ZNF285: variants seen among roughly 807,000 people sequenced by gnomAD.
The protein encoded by ZNF285 is zinc finger protein 285A.
In ZNF285, 4 loss-of-function variants were observed where a neutral mutation model predicts 6.2. The ratio of observed to expected loss-of-function variants is 0.65; its 90% CI spans 0.32 to 1.49. The LOEUF is 1.49. ZNF285 is among the 40% of genes most tolerant of loss of function. ZNF285 has a pLI of 0.07. For synonymous variants in ZNF285, 240 were observed against 245.8 expected (o/e 0.98, Z 0.22); for missense variants, 695 against 708.8 (o/e 0.98, Z 0.22).
intron 3 of ZNF285, 152 bp from the exon 4 acceptor site, chr19:44,388,254 G>A (rs113485144): frequency 8.3e-6 from 6 of 725,934 alleles, no homozygotes; most frequent in Non-Finnish European, 1.3e-5. Context: ...CCTGTGAGCT[G>A]CCAATTAGAA....
At position 44,397,378 on chromosome 19, in the gene ZNF285, G is replaced by A. The variant is rs376244683; in HGVS notation, c.-43-122C>T. 5.1e-5 allele frequency: 61 copies of A among 1,188,978 alleles called. No individual in the cohort carries two copies. In the South Asian group the frequency reaches 6.6e-4, roughly 13 times the overall value. The allele number at this position is 1,188,978 out of a possible 1,614,324, so 73.7% of individuals were successfully genotyped here. ...CTCTCACTGGATATCATCTCTTCTCGCTCTGAACAGACTGAACTCCCACCT... is the reference window on the plus strand; with the variant it reads ...CTCTCACTGGATATCATCTCTTCTCACTCTGAACAGACTGAACTCCCACCT... On this transcript the variant is annotated intron_variant, in intron 1 of 3. Coordinates refer to ENST00000614994, the MANE Select transcript of ZNF285 (RefSeq NM_152354.6).
chr19:44,396,082 C>A (rs1438363553), intron 2 of ZNF285, among the ~76,000 whole-genome samples: 6 of 152,022 alleles, frequency 3.9e-5, no homozygotes, highest in Admixed American at 1.3e-4. Flanking sequence ...GGTTTCCAGG[C>A]AGCAGGATAA....
chr19:44,387,782 T>G lies in ZNF285; in HGVS notation c.463A>C (p.Ile155Leu). The G allele has an allele frequency of 6.2e-7, 1 of 1,613,952 alleles. No individual in the cohort carries two copies. The highest frequency in any genetic ancestry group is 8.5e-7 in the Non-Finnish European group (1 of 1,179,846). The change falls in exon 4 of 4, where the codon ATA (isoleucine) becomes CTA (leucine). Residue 155 changes from isoleucine (I) to leucine (L), a missense_variant. By Grantham distance (5) the Ile-to-Leu change is conservative. Coordinates refer to ENST00000614994, the MANE Select transcript of ZNF285 (RefSeq NM_152354.6). Reference protein sequence around the residue: ...LTPESWRKANIMTEPQNSQGR... With the variant: ...LTPESWRKANLMTEPQNSQGR... The stretch of plus-strand genomic sequence containing the variant: ...TGAGAGTTCTGGGGCTCGGTCATTA[T>G]GTTGGCTTTCCTCCACGATTCTGGG...
chr19:44,389,119 G>T (rs1205793124), intron 3 of ZNF285, among the ~76,000 whole-genome samples: 17 of 151,252 alleles, frequency 1.1e-4, no homozygotes, highest in African/African-American at 4.2e-4. Context: ...CTTAAGTTCT[G>T]CCCTTTTAAG....
At chr19:44,391,601 A>G (rs1377273860) in intron 3 of ZNF285, among the ~76,000 whole-genome samples, 2 of 152,046 alleles carry the variant, frequency 1.3e-5, no homozygotes, top group East Asian at 1.9e-4. Context: ...AGATCTCATG[A>G]GATTTATTCA....
intron 2 of ZNF285, among the ~76,000 whole-genome samples, chr19:44,394,895 G>T (rs936679389): frequency 6.6e-6 from 1 of 152,162 alleles, no homozygotes; most frequent in Non-Finnish European, 1.5e-5. Flanking sequence ...TCTGTGGGAG[G>T]CAACAAAATT....
In ZNF285 at chr19:44,386,730, A is replaced by G; in HGVS notation, c.1515T>C (p.Asp505=). The G allele has an allele frequency of 6.2e-7, 1 of 1,614,118 alleles. No individual in the cohort carries two copies. The highest frequency in any genetic ancestry group is 1.7e-5 in the Admixed American group (1 of 60,020). The change falls in exon 4 of 4, where the codon GAT becomes GAC. Residue 505 remains aspartate, a synonymous_variant. Transcript: ENST00000614994. ...ATTTATATGGTTTCTCTCTGATGTG[A>G]TCTCTTTGATGTAAGTGAAAATATG... ...YSSYFHLHQR[D]HIREKPYKCD... is the part of the protein sequence containing the mutation.
chr19:44,387,143 C>T lies in ZNF285; in HGVS notation c.1102G>A (p.Gly368Arg). ...TCTTCACATTTATAGGGCTTTTTCC[C>T]TGTGTGTACTCCCTGATGAATACAA... Reference protein sequence around the residue: ...LLCIHQGVHTGKKPYKCEECG... With the variant: ...LLCIHQGVHTRKKPYKCEECG... The change falls in exon 4 of 4, where the codon GGG becomes AGG. Residue 368 changes from glycine (G) to arginine (R), a missense_variant. Physicochemically the swap from Gly to Arg is moderately radical, Grantham distance 125. Coordinates refer to ENST00000614994, the MANE Select transcript of ZNF285 (RefSeq NM_152354.6). 1 of 1,614,136 alleles carries T rather than the reference C, an allele frequency of 6.2e-7. No individual in the cohort carries two copies. The highest frequency in any genetic ancestry group is 8.5e-7 in the Non-Finnish European group (1 of 1,180,012).
Position 44,392,420 on chromosome 19 carries a change from T to C in ZNF285, c.62A>G (p.Glu21Gly). ...CTGGGCTTTATCCAATAGTGCCAGCTCTTCCTTGGTGAAGACAACAGCCAC... is the reference window on the plus strand; with the variant it reads ...CTGGGCTTTATCCAATAGTGCCAGCCCTTCCTTGGTGAAGACAACAGCCAC... ...KDVAVVFTKE[E>G]LALLDKAQIN... Residue 21 changes from glutamate to glycine, a missense_variant, in exon 3 of 4, where the codon GAG (glutamate) becomes GGG (glycine). Physicochemically the swap from Glu to Gly is moderately conservative, Grantham distance 98. Transcript: ENST00000614994. 1 of 1,613,874 alleles carries C rather than the reference T, an allele frequency of 6.2e-7. No individual in the cohort carries two copies. The highest frequency in any genetic ancestry group is 8.5e-7 in the Non-Finnish European group (1 of 1,179,846).
rs1388551448 is a variant in ZNF285, at chr19:44,392,734, A to T, written c.16-268T>A. 10 of 597,354 alleles carry T rather than the reference A, an allele frequency of 1.7e-5. 1 individual carries two copies. Among genetic ancestry groups the T allele is most frequent in the South Asian group, 1.6e-4 (10 of 62,164 alleles). The allele number at this position is 597,354 out of a possible 1,614,324, so 37.0% of individuals were successfully genotyped here. ...GAGAGCAAGCTCTGTTGAGGCTCTC[A>T]TAAGGACACTAATCCTATTGGATCA... On this transcript the variant is annotated intron_variant, in intron 2 of 3. Coordinates refer to ENST00000614994, the MANE Select transcript of ZNF285 (RefSeq NM_152354.6).
intron 3 of ZNF285, among the ~76,000 whole-genome samples, chr19:44,390,909 A>G (rs1971182797): frequency 6.6e-6 from 1 of 152,058 alleles, no homozygotes; most frequent in African/African-American, 2.4e-5. Context: ...TAATCCCAGC[A>G]CTTTGGGAGG....
rs572775397 is a variant in ZNF285, at chr19:44,388,015, C to G, written c.230G>C (p.Trp77Ser). ...SQEVLHCWQI[W>S]KQRIRDLTVS... Reference sequence around the variant, plus strand: ...AGTTAAATCCCGGATCCTTTGTTTCCAAATCTGCCAGCAATGAAGCACTTC... The same window carrying G: ...AGTTAAATCCCGGATCCTTTGTTTCGAAATCTGCCAGCAATGAAGCACTTC... The change falls in exon 4 of 4, where the codon TGG (tryptophan) becomes TCG (serine). Residue 77 changes from tryptophan to serine, a missense_variant. Coordinates refer to ENST00000614994, the MANE Select transcript of ZNF285 (RefSeq NM_152354.6). 100 of 1,614,120 alleles carry G rather than the reference C, an allele frequency of 6.2e-5. No homozygotes were observed. The South Asian group carries it at 8.0e-4, about 13-fold the overall frequency.
intron 1 of ZNF285, 97 bp from the exon 2 acceptor site, chr19:44,397,353 CT>C: frequency 7.1e-7 from 1 of 1,407,746 alleles, no homozygotes; most frequent in Non-Finnish European, 1.0e-6. Flanking sequence ...ACAATTTCTC[CT>C]CTCACTGGAT....
In ZNF285 at chr19:44,387,781, A is replaced by G. The variant is rs1014615239; in HGVS notation, c.464T>C (p.Ile155Thr). The change falls in exon 4 of 4, where the codon ATA becomes ACA. Residue 155 changes from isoleucine to threonine, a missense_variant. Transcript: ENST00000614994. ...CTGAGAGTTCTGGGGCTCGGTCATT[A>G]TGTTGGCTTTCCTCCACGATTCTGG... ...LTPESWRKAN[I>T]MTEPQNSQGR... is the part of the protein sequence containing the mutation. 3.7e-6 allele frequency: 6 copies of G among 1,613,748 alleles called. No individual in the cohort carries two copies. The African/African-American group carries it at 6.7e-5, about 18-fold the overall frequency.
Position 44,386,682 on chromosome 19 carries a change from G to A in ZNF285, c.1563C>T (p.Phe521=). The part of the protein sequence containing the change: ...PYKCDECGKG[F]SRNSDLNVHL... ...GAACATTAAGATCTGAATTCCGGCT[G>A]AAGCCTTTACCACACTCATCACATT... Residue 521 remains phenylalanine (F), a synonymous_variant, in exon 4 of 4, where the codon TTC becomes TTT. Coordinates refer to ENST00000614994, the MANE Select transcript of ZNF285 (RefSeq NM_152354.6). The A allele has an allele frequency of 1.9e-6, 3 of 1,614,140 alleles. No individual in the cohort carries two copies. Among genetic ancestry groups the A allele is most frequent in the Non-Finnish European group, 2.5e-6 (3 of 1,180,022 alleles).
chr19:44,396,320 G>C (rs1339852220), intron 2 of ZNF285, among the ~76,000 whole-genome samples: 1 of 152,032 alleles, frequency 6.6e-6, no homozygotes, highest in Non-Finnish European at 1.5e-5. Context: ...TGCTCTTTTT[G>C]TGTATTTTCA....
intron 1 of ZNF285, 148 bp from the exon 2 acceptor site, chr19:44,397,404 C>T (rs1375268182): frequency 3.5e-6 from 3 of 865,144 alleles, no homozygotes; most frequent in Non-Finnish European, 5.4e-6. Context: ...ACTCCCACCT[C>T]CTCAAGACTT....
In ZNF285 at chr19:44,384,266, T is replaced by C. The variant is rs1445713085; in HGVS notation, c.*2206A>G. Reference sequence around the variant, plus strand: ...GTTTACAGTCTTCTCATTGCAAAATTCTTAGAACATATTTCTTTCTGAAAC... The same window carrying C: ...GTTTACAGTCTTCTCATTGCAAAATCCTTAGAACATATTTCTTTCTGAAAC... On this transcript the variant is annotated 3_prime_UTR_variant, in exon 4 of 4. Coordinates refer to ENST00000614994, the MANE Select transcript of ZNF285 (RefSeq NM_152354.6). 2.6e-5 allele frequency: 4 copies of C among 152,220 alleles called. No homozygotes were observed. The highest frequency in any genetic ancestry group is 4.4e-5 in the Non-Finnish European group (3 of 68,038). The allele number at this position is 152,220 out of a possible 1,614,324, so 9.4% of individuals were successfully genotyped here. A position where few individuals can be genotyped will look rare whatever the true frequency, so the allele number is the denominator to read the frequency against.
rs1429187697 is a variant in ZNF285 at position 44,386,904 on chromosome 19, CTGG to C, written c.1338_1340del (p.His446del). The C allele has an allele frequency of 6.2e-7, 1 of 1,613,278 alleles. No individual in the cohort carries two copies. Among genetic ancestry groups the C allele is most frequent in the Non-Finnish European group, 8.5e-7 (1 of 1,179,858 alleles). ...ATGGTTTCTCCCCTGTGTGGACTCTCTGGTGAATGTGAAGGTGTGTACATTGGC... is the reference window on the plus strand; with the variant it reads ...ATGGTTTCTCCCCTGTGTGGACTCTCTGAATGTGAAGGTGTGTACATTGGC... On this transcript the variant is annotated inframe_deletion, in exon 4 of 4. Coordinates refer to ENST00000614994, the MANE Select transcript of ZNF285 (RefSeq NM_152354.6).
Sources: allele counts gnomAD v4.1 joint callset (sites outside exome capture counted in the v4.1 genomes callset), GRCh38; gene constraint gnomAD v4.1.1; transcripts MANE v1.5; gene names NCBI Gene and HGNC (gene_info 2026-07-23, HGNC 2026-07-21).